Variants in OSBP observed in about 807,000 individuals in gnomAD.
OSBP encodes oxysterol binding protein, also known as oxysterol-binding protein 1.
A neutral mutation model predicts 96.6 loss-of-function variants in OSBP; 32 were observed. That is an observed-to-expected ratio of 0.33 (90% CI 0.25 to 0.45). The LOEUF (loss-of-function observed/expected upper bound fraction) is 0.45, where lower values mean the gene tolerates loss of function less well. Ranked by LOEUF, OSBP falls within the 20% of genes least tolerant of loss-of-function variation. The probability of loss-of-function intolerance (pLI) is 1.00; values close to 1 mark genes in which losing one functional copy is unlikely to be tolerated. For missense variants in OSBP, 653 were observed against 1,029.7 expected, an observed-to-expected ratio of 0.63 and a Z score of 5.01; for synonymous variants, 369 against 389.6, an observed-to-expected ratio of 0.95 and a Z score of 0.62.
chr11:59,597,188 A>G (rs1565118254), intron 7 of OSBP, among the ~76,000 whole-genome samples: 1 of 151,982 alleles, frequency 6.6e-6, no homozygotes, highest in Non-Finnish European at 1.5e-5. Context: ...CCTCCCAAGC[A>G]GCTAGGATTA....
At chr11:59,594,288 C>G (rs760669015) in intron 7 of OSBP, 33 bp from the exon 8 acceptor site, 1 of 1,606,816 alleles carries the variant, frequency 6.2e-7, no homozygotes, top group Admixed American at 1.7e-5. Flanking sequence ...AAAAACTATG[C>G]TCACTCATCT....
At position 59,601,354 on chromosome 11, in the gene OSBP, G is replaced by A. The variant is rs145963268; in HGVS notation, c.1053C>T (p.Ser351=). 8.6e-5 allele frequency: 138 copies of A among 1,612,900 alleles called. No individual in the cohort carries two copies. The Admixed American group carries it at 1.0e-3, about 12-fold the overall frequency. Residue 351 remains serine (S), a synonymous_variant, in exon 5 of 14, where the codon AGC becomes AGT. Transcript: ENST00000263847. ...DQCCSGKGDM[S]DEDDENEFFD... ...AAAATTCATTCTCATCATCTTCATC[G>A]CTCATGTCCCCTTTGCCAGAGCAGC...
intron 11 of OSBP, among the ~76,000 whole-genome samples, chr11:59,579,886 A>C (rs1398361156): frequency 2.6e-5 from 4 of 151,554 alleles, no homozygotes; most frequent in Admixed American, 1.3e-4. Context: ...TAATTTTTGC[A>C]TTTTTAGTAG....
In OSBP at chr11:59,615,604, C is replaced by A; in HGVS notation, c.61G>T (p.Gly21Cys). The A allele has an allele frequency of 7.3e-7, 1 of 1,375,122 alleles. No homozygotes were observed. 85.2% of individuals were successfully genotyped at this position (1,375,122 alleles called of 1,614,324 possible). A position where few individuals can be genotyped will look rare whatever the true frequency, so the allele number is the denominator to read the frequency against. Residue 21 changes from glycine (G) to cysteine (C), a missense_variant, in exon 1 of 14, where the codon GGC becomes TGC. This residue lies in a region of OSBP where 151 missense variants were observed against 146.1 expected (regional missense o/e 1.03). Coordinates refer to ENST00000263847, the MANE Select transcript of OSBP (RefSeq NM_002556.3). ...GPGPAAIAAL[G>C]GGGAGPPVVG... ...ACTGGGGGACCGGCGCCGCCGCCGC[C>A]AAGTGCTGCAATGGCTGCCGGGCCT...
rs139081696 is a variant in OSBP, at chr11:59,595,944, AAAATAAATAAATAAATAAAT to A, written c.1312-1709_1312-1690del. On this transcript the variant is annotated intron_variant, in intron 7 of 13. Coordinates refer to ENST00000263847, the MANE Select transcript of OSBP (RefSeq NM_002556.3). Reference sequence around the variant, plus strand: ...GGGCAACAGAGCGAGACTCTGTCTAAAAATAAATAAATAAATAAATAAATAAATAAATAAATAAATAAATA... The same window carrying A: ...GGGCAACAGAGCGAGACTCTGTCTAAAAATAAATAAATAAATAAATAAATA... Among the ~76,000 whole-genome samples the A allele has an allele frequency of 1.8e-3, 251 of 138,560 alleles. 2 individuals are homozygous for A. The highest frequency in any genetic ancestry group is 5.4e-3 in the African/African-American group (198 of 36,684). The allele number at this position is 138,560 out of a possible 152,430, so 90.9% of individuals were successfully genotyped here.
rs1860920743 is a variant in OSBP, at chr11:59,615,726, G to C, written c.-62C>G. The C allele has an allele frequency of 8.0e-7, 1 of 1,248,074 alleles. No individual in the cohort carries two copies. Among genetic ancestry groups the C allele is most frequent in the Non-Finnish European group, 1.0e-6 (1 of 995,982 alleles). 77.3% of individuals were successfully genotyped at this position (1,248,074 alleles called of 1,614,324 possible). On this transcript the variant is annotated 5_prime_UTR_variant, in exon 1 of 14. Coordinates refer to ENST00000263847, the MANE Select transcript of OSBP (RefSeq NM_002556.3). Reference sequence around the variant, plus strand: ...CCTACGAGAGCCGCCGTCGCCGCCCGGAGCGCCCCACACGGCTACCGCATC... The same window carrying C: ...CCTACGAGAGCCGCCGTCGCCGCCCCGAGCGCCCCACACGGCTACCGCATC...
At chr11:59,585,045 G>T (rs992443290) in intron 9 of OSBP, among the ~76,000 whole-genome samples, 2 of 152,068 alleles carry the variant, frequency 1.3e-5, no homozygotes, top group African/African-American at 4.8e-5. Context: ...TACAGCCTCT[G>T]CCCGGCCGCC....
At chr11:59,596,104 T>C (rs117585416) in intron 7 of OSBP, among the ~76,000 whole-genome samples, 5,693 of 152,018 alleles carry the variant, frequency 0.037, 144 homozygotes, top group Non-Finnish European at 0.043. Context: ...CACTCATCCT[T>C]TGAGAAATAG....
chr11:59,614,564 G>A (rs576645750), intron 1 of OSBP, among the ~76,000 whole-genome samples: 1 of 152,190 alleles, frequency 6.6e-6, no homozygotes, highest in Admixed American at 6.5e-5. Flanking sequence ...CCAAAGACAT[G>A]GATTCTTCTT....
intron 9 of OSBP, among the ~76,000 whole-genome samples, chr11:59,588,169 A>G (rs561604): frequency 0.15 from 22,468 of 152,202 alleles, 2,795 homozygotes; most frequent in African/African-American, 0.33. Context: ...CTTATAGGAG[A>G]TAATTAAAGT....
intron 9 of OSBP, among the ~76,000 whole-genome samples, chr11:59,592,882 G>A (rs1268049470): frequency 3.3e-5 from 5 of 150,524 alleles, no homozygotes; most frequent in Admixed American, 2.7e-4. Flanking sequence ...TGAAACCTCC[G>A]CCTCCCGGGT....
At chr11:59,603,539 T>TG (rs1279616970) in intron 3 of OSBP, among the ~76,000 whole-genome samples, 1 of 147,900 alleles carries the variant, frequency 6.8e-6, no homozygotes, top group East Asian at 2.0e-4. Context: ...GTTTTTTTTT[T>TG]TTTTTTTTTT....
At chr11:59,594,307 C>A in intron 7 of OSBP, 52 bp from the exon 8 acceptor site, 1 of 1,571,566 alleles carries the variant, frequency 6.4e-7, no homozygotes. Flanking sequence ...CTATAAGAGA[C>A]AGTTTAATTT....
chr11:59,582,511 C>G (rs776914628), intron 9 of OSBP, among the ~76,000 whole-genome samples: 1 of 152,188 alleles, frequency 6.6e-6, no homozygotes, highest in Non-Finnish European at 1.5e-5. Flanking sequence ...CTACGGGTCC[C>G]TTCATTTGGC....
intron 9 of OSBP, among the ~76,000 whole-genome samples, chr11:59,585,536 G>C (rs1378782680): frequency 6.0e-5 from 9 of 151,230 alleles, no homozygotes; most frequent in Non-Finnish European, 1.0e-4. Context: ...CCGTCCGGGA[G>C]GGAGGTTGGG....
intron 9 of OSBP, among the ~76,000 whole-genome samples, chr11:59,590,632 C>T (rs1038050007): frequency 6.6e-6 from 1 of 152,196 alleles, no homozygotes; most frequent in Non-Finnish European, 1.5e-5. Flanking sequence ...GTTTGAACGA[C>T]TTTTCCCTAG....
rs546061897 is a variant in OSBP, at chr11:59,612,842, T to C, written c.363-2253A>G. The stretch of plus-strand genomic sequence containing the variant: ...GCCTGTCACAATGTTTCTGGGAGAG[T>C]TGGGATTCCATATAAGGTTTTAAGT... On this transcript the variant is annotated intron_variant, in intron 1 of 13. Transcript: ENST00000263847. 1.2e-4 allele frequency among the ~76,000 whole-genome samples: 19 copies of C among 152,012 alleles called. 1 individual carries two copies. In the South Asian group the frequency reaches 3.1e-3, roughly 25 times the overall value.
At chr11:59,583,346 T>TGA in intron 9 of OSBP, among the ~76,000 whole-genome samples, 1 of 152,180 alleles carries the variant, frequency 6.6e-6, no homozygotes, top group East Asian at 1.9e-4. Flanking sequence ...TAAAGTCGAT[T>TGA]TCAGTAAAAG....
At chr11:59,593,498 G>T in intron 9 of OSBP, 106 bp downstream of exon 9, 1 of 1,286,744 alleles carries the variant, frequency 7.8e-7, no homozygotes, top group Non-Finnish European at 1.1e-6. Flanking sequence ...GTCAGTGCTC[G>T]AATCAGACCT....
Sources: allele counts gnomAD v4.1 joint callset (sites outside exome capture counted in the v4.1 genomes callset), GRCh38; gene constraint gnomAD v4.1.1; regional missense constraint gnomAD v4.1.1; transcripts MANE v1.5; gene names NCBI Gene and HGNC (gene_info 2026-07-23, HGNC 2026-07-21).